PSD3: variants seen among roughly 807,000 people sequenced by gnomAD.
The protein encoded by PSD3 is PH and SEC7 domain-containing protein 3.
In PSD3, 49 loss-of-function variants were observed where a neutral mutation model predicts 105.5. That is an observed-to-expected ratio of 0.46 (90% CI 0.37 to 0.59). The LOEUF is 0.59. Ranked by LOEUF, PSD3 falls within the 20% of genes least tolerant of loss-of-function variation. PSD3 has a pLI of 0.00. For missense variants in PSD3, 1,561 were observed against 1,263.8 expected (o/e 1.24, Z -3.57); for synonymous variants, 557 against 457.8 (o/e 1.22, Z -2.77).
chr8:18,884,050 C>T (rs1365585540), intron 2 of PSD3, among the ~76,000 whole-genome samples: 1 of 152,026 alleles, frequency 6.6e-6, no homozygotes, highest in Non-Finnish European at 1.5e-5. Flanking sequence ...AATCACATTC[C>T]CCTCACTTGT....
At chr8:18,861,516 C>T (rs923761553) in intron 4 of PSD3, among the ~76,000 whole-genome samples, 2 of 152,136 alleles carry the variant, frequency 1.3e-5, no homozygotes, top group Non-Finnish European at 2.9e-5. Context: ...AATTTGACCT[C>T]TTTATATCTG....
At position 19,041,865 on chromosome 8, in the gene PSD3, T is replaced by C. The variant is rs1311538216; in HGVS notation, c.324+42341A>G. On this transcript the variant is annotated intron_variant, in intron 1 of 1. Coordinates refer to the PSD3 transcript ENST00000521475. Reference sequence around the variant, plus strand: ...TTATTTCAAAACTGTGCCTTTCCTATGTGGCTTTACAGAGGGTTAAAAGAA... The same window carrying C: ...TTATTTCAAAACTGTGCCTTTCCTACGTGGCTTTACAGAGGGTTAAAAGAA... Among the ~76,000 whole-genome samples, 4 of 152,322 alleles carry C rather than the reference T, an allele frequency of 2.6e-5. No homozygotes were observed. In the East Asian group the frequency reaches 5.8e-4, roughly 22 times the overall value.
intron 1 of PSD3, among the ~76,000 whole-genome samples, chr8:18,945,845 C>T (rs944885445): frequency 9.7e-5 from 10 of 103,116 alleles, no homozygotes; most frequent in Non-Finnish European, 2.1e-4. Flanking sequence ...TGCAGTGGTG[C>T]ACACTTGTAA....
chr8:18,779,307 G>C (rs1808392394), intron 8 of PSD3, among the ~76,000 whole-genome samples: 2 of 151,192 alleles, frequency 1.3e-5, no homozygotes, highest in Admixed American at 1.3e-4. Flanking sequence ...CTCCTTTTTT[G>C]GTTGGGATTT....
intron 11 of PSD3, among the ~76,000 whole-genome samples, chr8:18,603,439 T>A (rs1388409713): frequency 6.6e-6 from 1 of 152,234 alleles, no homozygotes; most frequent in Non-Finnish European, 1.5e-5. Flanking sequence ...AGTCTATCCT[T>A]TAGAAGTTCC....
chr8:18,704,570 G>A (rs1801780258), intron 9 of PSD3, among the ~76,000 whole-genome samples: 1 of 152,154 alleles, frequency 6.6e-6, no homozygotes, highest in African/African-American at 2.4e-5. Flanking sequence ...TTGAACTCCT[G>A]ACCTCGTGAT....
chr8:18,564,266 G>C (rs1411749357), intron 14 of PSD3, among the ~76,000 whole-genome samples: 2 of 152,068 alleles, frequency 1.3e-5, no homozygotes, highest in African/African-American at 2.4e-5. Flanking sequence ...AAGGTGAATA[G>C]TCAAAAAAGT....
chr8:18,972,142 T>G (rs964904020), intron 1 of PSD3, among the ~76,000 whole-genome samples: 2 of 152,218 alleles, frequency 1.3e-5, no homozygotes, highest in African/African-American at 2.4e-5. Flanking sequence ...TCTATTTTCA[T>G]AGAGTATGAT....
At chr8:18,952,857 C>G (rs554949411) in intron 1 of PSD3, among the ~76,000 whole-genome samples, 3 of 152,188 alleles carry the variant, frequency 2.0e-5, no homozygotes, top group African/African-American at 7.2e-5. Flanking sequence ...ATTGAGGAGA[C>G]GAGGTGATGG....
intron 9 of PSD3, among the ~76,000 whole-genome samples, chr8:18,698,242 G>A (rs549897146): frequency 2.0e-5 from 3 of 152,112 alleles, no homozygotes; most frequent in Admixed American, 2.0e-4. Context: ...AGGTCTACAG[G>A]CACATGCCAC....
chr8:18,950,494 T>G (rs1331213840), intron 1 of PSD3, among the ~76,000 whole-genome samples: 3 of 152,284 alleles, frequency 2.0e-5, no homozygotes, highest in Admixed American at 2.0e-4. Context: ...ATTCCTCTTG[T>G]CCAACTGAGG....
chr8:18,601,454 T>C (rs1446841883), intron 11 of PSD3, among the ~76,000 whole-genome samples: 2 of 152,330 alleles, frequency 1.3e-5, no homozygotes, highest in Non-Finnish European at 2.9e-5. Flanking sequence ...AAGTACATTA[T>C]TGTCAACCAA....
At position 18,866,285 on chromosome 8, in the gene PSD3, C is replaced by T. The variant is rs770219572; in HGVS notation, c.1634+1389G>A. Among the ~76,000 whole-genome samples the T allele has an allele frequency of 5.9e-5, 9 of 152,172 alleles. 1 individual carries two copies. In the South Asian group the frequency reaches 1.0e-3, roughly 18 times the overall value. On this transcript the variant is annotated intron_variant, in intron 4 of 15. Coordinates refer to ENST00000327040, the MANE Select transcript of PSD3 (RefSeq NM_015310.4). Reference sequence around the variant, plus strand: ...GACACTGCTTTCAGGAATGCCTCCTCGCCAGTACTCTTCCACTGAGAGACA... The same window carrying T: ...GACACTGCTTTCAGGAATGCCTCCTTGCCAGTACTCTTCCACTGAGAGACA...
chr8:18,869,610 G>C (rs1313887304), intron 3 of PSD3, among the ~76,000 whole-genome samples: 1 of 152,204 alleles, frequency 6.6e-6, no homozygotes. Flanking sequence ...TGCACATGCT[G>C]TTCCCTCTAG....
chr8:18,918,828 T>A (rs1669656172), intron 2 of PSD3, among the ~76,000 whole-genome samples: 1 of 152,128 alleles, frequency 6.6e-6, no homozygotes, highest in Admixed American at 6.5e-5. Flanking sequence ...GGGAGGGCAC[T>A]GTACCTGTAC....
At chr8:18,728,168 A>AT (rs1803472631) in intron 9 of PSD3, among the ~76,000 whole-genome samples, 1 of 152,166 alleles carries the variant, frequency 6.6e-6, no homozygotes, top group Non-Finnish European at 1.5e-5. Context: ...TCATCACTTC[A>AT]GCCTTCACTG....
At position 19,013,555 on chromosome 8, in the gene PSD3, G is replaced by T. The variant is rs745643047; in HGVS notation, c.21+8C>A. 6.4e-7 allele frequency: 1 copy of T among 1,566,088 alleles called. No individual in the cohort carries two copies. Among genetic ancestry groups the T allele is most frequent in the South Asian group, 1.1e-5 (1 of 88,738 alleles). ...ACCCCGCGCCCGCGCCCCGGCCCCG[G>T]AGCTCACCGCTGCGCTCCTTCCTTC... On this transcript the variant is annotated splice_region_variant and intron_variant, in intron 1 of 15. Coordinates refer to ENST00000327040, the MANE Select transcript of PSD3 (RefSeq NM_015310.4).
intron 9 of PSD3, among the ~76,000 whole-genome samples, chr8:18,674,442 C>T (rs1047980050): frequency 3.5e-4 from 54 of 152,208 alleles, no homozygotes; most frequent in Non-Finnish European, 1.0e-4. Flanking sequence ...GAAAAATCCT[C>T]TCTCATTCTT....
Position 18,908,329 on chromosome 8 carries a change from C to T in PSD3, c.130+27705G>A, listed in dbSNP as rs540335151. ...TTTTGGATTAATATTTAAGGTCTTC[C>T]ATGATCATATCTTAATTTACTTCTC... On this transcript the variant is annotated intron_variant, in intron 2 of 15. Coordinates refer to ENST00000327040, the MANE Select transcript of PSD3 (RefSeq NM_015310.4). Among the ~76,000 whole-genome samples the T allele has an allele frequency of 2.0e-4, 30 of 152,248 alleles. 2 individuals are homozygous for T. The Middle Eastern group carries it at 0.014, about 69-fold the overall frequency.
Sources: allele counts gnomAD v4.1 joint callset (sites outside exome capture counted in the v4.1 genomes callset), GRCh38; gene constraint gnomAD v4.1.1; transcripts MANE v1.5; gene names NCBI Gene and HGNC (gene_info 2026-07-23, HGNC 2026-07-21).